PTER: variants seen among roughly 807,000 people sequenced by gnomAD.
The protein encoded by PTER is N-acetyltaurine hydrolase.
PTER carries 38 observed loss-of-function variants against 29.6 expected under a neutral mutation model. The observed-to-expected ratio is 1.28, with a 90% CI of 0.99 to 1.68. The LOEUF (loss-of-function observed/expected upper bound fraction) is 1.68, where lower values mean the gene tolerates loss of function less well. Among genes scored for constraint, PTER ranks in the 40% most tolerant of loss-of-function variants. The pLI, the probability that PTER is intolerant of heterozygous loss-of-function variation, is 0.00. For missense variants in PTER, 482 were observed against 427.8 expected, an observed-to-expected ratio of 1.13 and a Z score of -1.12; for synonymous variants, 172 against 154.5, an observed-to-expected ratio of 1.11 and a Z score of -0.84.
chr10:16,480,242 T>A lies in PTER; in HGVS notation c.-48-4095T>A, dbSNP rs1588612487. Reference sequence around the variant, plus strand: ...TCTCGCTCTGTTGTCCAGGCTAGAGTGCAGTGGCGCAATCTTGACTCACTG... The same window carrying A: ...TCTCGCTCTGTTGTCCAGGCTAGAGAGCAGTGGCGCAATCTTGACTCACTG... On this transcript the variant is annotated intron_variant, in intron 1 of 4. Transcript: ENST00000535784. Among the ~76,000 whole-genome samples the A allele has an allele frequency of 3.4e-5, 5 of 148,156 alleles. No homozygotes were observed. In the South Asian group the frequency reaches 1.1e-3, roughly 32 times the overall value.
chr10:16,515,507 C>T (rs567276197), downstream of PTER, among the ~76,000 whole-genome samples: 9 of 152,236 alleles, frequency 5.9e-5, no homozygotes, highest in South Asian at 8.3e-4. Flanking sequence ...TGAATGATTT[C>T]GTTGAATATC....
intron 1 of PTER, among the ~76,000 whole-genome samples, chr10:16,472,408 G>T (rs537719595): frequency 6.6e-6 from 1 of 152,024 alleles, no homozygotes; most frequent in Non-Finnish European, 1.5e-5. Flanking sequence ...TCACGGGGGC[G>T]GTTTCCCCCA....
chr10:16,513,714 A>G lies in PTER; in HGVS notation c.*2458A>G, dbSNP rs1836898347. 6.6e-6 allele frequency: 1 copy of G among 152,566 alleles called. No individual in the cohort carries two copies. Among genetic ancestry groups the G allele is most frequent in the Non-Finnish European group, 1.5e-5 (1 of 67,998 alleles). The allele number at this position is 152,566 out of a possible 1,614,324, so 9.5% of individuals were successfully genotyped here. A position where few individuals can be genotyped will look rare whatever the true frequency, so the allele number is the denominator to read the frequency against. ...AAAAGCCTCGGTTTGATTTGATACTAAAGAATAAATTTCTCTGACTTTCCC... is the reference window on the plus strand; with the variant it reads ...AAAAGCCTCGGTTTGATTTGATACTGAAGAATAAATTTCTCTGACTTTCCC... On this transcript the variant is annotated 3_prime_UTR_variant, in exon 5 of 5. Coordinates refer to ENST00000535784, the MANE Select transcript of PTER (RefSeq NM_001261836.2).
chr10:16,485,006 C>G (rs550586024), intron 2 of PTER, among the ~76,000 whole-genome samples, 190 bp downstream of exon 2: 4 of 152,036 alleles, frequency 2.6e-5, no homozygotes, highest in African/African-American at 4.8e-5. Flanking sequence ...TGCAAGCAAG[C>G]CTTGTGGTAA....
intron 3 of PTER, among the ~76,000 whole-genome samples, chr10:16,503,740 A>G (rs147051304): frequency 6.6e-6 from 1 of 152,270 alleles, no homozygotes; most frequent in East Asian, 1.9e-4. Flanking sequence ...TGGTTTCACT[A>G]TGTTGGCTAG....
Position 16,495,225 on chromosome 10 carries a change from C to T in PTER, c.698+8608C>T, listed in dbSNP as rs550480315. On this transcript the variant is annotated intron_variant, in intron 3 of 4. Coordinates refer to ENST00000535784, the MANE Select transcript of PTER (RefSeq NM_001261836.2). ...TTGCTCTCTTACCCAGGCTGGAGTGCAGTGGCACCATCTCAGCTCACTGCA... is the reference window on the plus strand; with the variant it reads ...TTGCTCTCTTACCCAGGCTGGAGTGTAGTGGCACCATCTCAGCTCACTGCA... 2.2e-3 allele frequency among the ~76,000 whole-genome samples: 312 copies of T among 143,944 alleles called. 1 individual carries two copies. Among genetic ancestry groups the T allele is most frequent in the African/African-American group, 7.8e-3 (296 of 38,172 alleles). The allele number at this position is 143,944 out of a possible 152,430, so 94.4% of individuals were successfully genotyped here. A position where few individuals can be genotyped will look rare whatever the true frequency, so the allele number is the denominator to read the frequency against.
At chr10:16,445,026 G>T (rs1411222162) in intron 1 of PTER, among the ~76,000 whole-genome samples, 1 of 151,870 alleles carries the variant, frequency 6.6e-6, no homozygotes, top group African/African-American at 2.4e-5. Context: ...GATGAGTAGG[G>T]GTTCACTACA....
intron 3 of PTER, among the ~76,000 whole-genome samples, chr10:16,496,350 C>G (rs1006355019): frequency 1.3e-5 from 2 of 152,160 alleles, no homozygotes; most frequent in Non-Finnish European, 2.9e-5. Flanking sequence ...CTTCTGGTTC[C>G]CTCGCCTCCC....
intron 1 of PTER, among the ~76,000 whole-genome samples, chr10:16,481,218 G>T (rs1835468647): frequency 6.6e-6 from 1 of 152,226 alleles, no homozygotes; most frequent in South Asian, 2.1e-4. Flanking sequence ...TGTGAGTGAT[G>T]CTTAAGCCTC....
intron 1 of PTER, among the ~76,000 whole-genome samples, chr10:16,470,339 T>G (rs942711013): frequency 2.0e-5 from 3 of 152,244 alleles, no homozygotes; most frequent in Admixed American, 1.3e-4. Flanking sequence ...CACAGGACTC[T>G]TATCTATCTT....
At chr10:16,460,475 C>G (rs1452549067) in intron 1 of PTER, among the ~76,000 whole-genome samples, 2 of 152,078 alleles carry the variant, frequency 1.3e-5, no homozygotes, top group Non-Finnish European at 2.9e-5. Flanking sequence ...CTCAAAAATT[C>G]TAAAGTCAAA....
chr10:16,443,940 C>T (rs181097157), intron 1 of PTER, among the ~76,000 whole-genome samples: 1 of 151,820 alleles, frequency 6.6e-6, no homozygotes, highest in African/African-American at 2.4e-5. Context: ...TATCACGATA[C>T]TATCAACTGA....
At chr10:16,515,424 C>T (rs746998577), downstream of PTER, among the ~76,000 whole-genome samples, 43 of 152,032 alleles carry the variant, frequency 2.8e-4, no homozygotes, top group Non-Finnish European at 5.6e-4. Context: ...AAGAATTTAA[C>T]CTCAACATAT....
At chr10:16,466,619 G>A (rs1205538576) in intron 1 of PTER, among the ~76,000 whole-genome samples, 1 of 152,178 alleles carries the variant, frequency 6.6e-6, no homozygotes, top group Non-Finnish European at 1.5e-5. Flanking sequence ...GCCTCCCAAA[G>A]TGCTGGGCTT....
chr10:16,441,804 G>C (rs1833859523), intron 1 of PTER, among the ~76,000 whole-genome samples: 2 of 152,054 alleles, frequency 1.3e-5, no homozygotes, highest in Non-Finnish European at 2.9e-5. Flanking sequence ...GGTGGTCTCT[G>C]CTTTACATAT....
Position 16,505,036 on chromosome 10 carries a change from A to T in PTER, c.715A>T (p.Lys239Ter). 6.2e-7 allele frequency: 1 copy of T among 1,613,996 alleles called. No homozygotes were observed. Among genetic ancestry groups the T allele is most frequent in the Non-Finnish European group, 8.5e-7 (1 of 1,179,906 alleles). The change falls in exon 4 of 5, where the codon AAA (lysine) becomes TAA (stop). Residue 239 changes from lysine to a stop codon, truncating the protein, a stop_gained. Coordinates refer to ENST00000535784, the MANE Select transcript of PTER (RefSeq NM_001261836.2). LOFTEE classifies it high-confidence loss of function. ...SHLDRTILDK[K>*]ELLEFAQLGC... Reference sequence around the variant, plus strand: ...TGTTTCTAGGACTATTCTTGATAAGAAAGAGCTCTTGGAGTTTGCTCAACT... The same window carrying T: ...TGTTTCTAGGACTATTCTTGATAAGTAAGAGCTCTTGGAGTTTGCTCAACT...
At chr10:16,448,894 T>A (rs1412058391) in intron 1 of PTER, among the ~76,000 whole-genome samples, 1 of 152,248 alleles carries the variant, frequency 6.6e-6, no homozygotes, top group East Asian at 1.9e-4. Flanking sequence ...GCCAAGTCAG[T>A]GGCTGCATTC....
In PTER at chr10:16,513,460, G is replaced by A. The variant is rs1163754351; in HGVS notation, c.*2204G>A. Reference sequence around the variant, plus strand: ...AAAACATTTCATCTAATATATATATGTGTGTGTGAGTATATGTGTGCATGT... The same window carrying A: ...AAAACATTTCATCTAATATATATATATGTGTGTGAGTATATGTGTGCATGT... On this transcript the variant is annotated 3_prime_UTR_variant, in exon 5 of 5. Coordinates refer to ENST00000535784, the MANE Select transcript of PTER (RefSeq NM_001261836.2). 6.7e-6 allele frequency: 1 copy of A among 148,552 alleles called. No homozygotes were observed. Among genetic ancestry groups the A allele is most frequent in the African/African-American group, 2.5e-5 (1 of 40,068 alleles). The allele number at this position is 148,552 out of a possible 1,614,324, so 9.2% of individuals were successfully genotyped here.
intron 1 of PTER, among the ~76,000 whole-genome samples, chr10:16,445,780 A>G (rs1189135365): frequency 6.6e-6 from 1 of 152,060 alleles, no homozygotes; most frequent in Non-Finnish European, 1.5e-5. Flanking sequence ...GAAGGATCCT[A>G]CAGGCTGACA....
Sources: allele counts gnomAD v4.1 joint callset (sites outside exome capture counted in the v4.1 genomes callset), GRCh38; gene constraint gnomAD v4.1.1; transcripts MANE v1.5; gene names NCBI Gene and HGNC (gene_info 2026-07-23, HGNC 2026-07-21).